The following FAM47E variants were observed in gnomAD, a reference collection of about 807,000 sequenced individuals.
The protein encoded by FAM47E is family with sequence similarity 47 member E.
Under a neutral mutation model 41.6 loss-of-function variants are expected in FAM47E, and 32 were observed. The observed-to-expected ratio is 0.77, with a 90% confidence interval of 0.58 to 1.03. The LOEUF (loss-of-function observed/expected upper bound fraction) is 1.03. FAM47E is among the 50% of genes least tolerant of loss of function. The probability of loss-of-function intolerance (pLI) is 0.00; values close to 1 mark genes in which losing one functional copy is unlikely to be tolerated. For synonymous variants in FAM47E, 184 were observed against 188.7 expected (o/e 0.98, Z 0.20); for missense variants, 424 against 485.4 (o/e 0.87, Z 1.19).
chr4:76,251,178 T>C (rs1417029941), upstream of FAM47E, among the ~76,000 whole-genome samples: 1 of 151,914 alleles, frequency 6.6e-6, no homozygotes, highest in Non-Finnish European at 1.5e-5. Flanking sequence ...CTGCTAGAAG[T>C]GAGTCGAGGC....
chr4:76,250,110 C>A (rs1056877331), upstream of FAM47E, among the ~76,000 whole-genome samples: 2 of 152,076 alleles, frequency 1.3e-5, no homozygotes, highest in African/African-American at 4.8e-5. Context: ...GGTAGATCCA[C>A]TTTTAGTTCT....
intron 3 of FAM47E, among the ~76,000 whole-genome samples, chr4:76,266,061 A>G (rs1031955396): frequency 1.3e-5 from 2 of 152,224 alleles, no homozygotes; most frequent in African/African-American, 4.8e-5. Context: ...CTCAGGGATC[A>G]CCATACTTGT....
chr4:76,230,755 G>A (rs1733478641), intron 2 of FAM47E, among the ~76,000 whole-genome samples: 1 of 152,144 alleles, frequency 6.6e-6, no homozygotes, highest in Non-Finnish European at 1.5e-5. Flanking sequence ...CACTCATGAA[G>A]CAGGGGGTTT....
chr4:76,278,537 C>A, intron 6 of FAM47E: 1 of 375,830 alleles, frequency 2.7e-6, no homozygotes, highest in Admixed American at 4.4e-5. Context: ...CTTGGTACGA[C>A]CACCTCAGTG....
At chr4:76,225,744 A>C (rs992289611) in intron 2 of FAM47E, among the ~76,000 whole-genome samples, 5 of 152,218 alleles carry the variant, frequency 3.3e-5, no homozygotes, top group Non-Finnish European at 7.3e-5. Flanking sequence ...AACTCACTTG[A>C]TCATGGCATA....
intron 4 of FAM47E, chr4:76,269,264 G>A (rs1734781009): frequency 6.5e-6 from 1 of 153,570 alleles, no homozygotes; most frequent in South Asian, 2.0e-4. Flanking sequence ...GAGTTCAAGA[G>A]TTCAAGACCA....
At chr4:76,227,784 C>T (rs1274424489) in intron 2 of FAM47E, among the ~76,000 whole-genome samples, 1 of 152,108 alleles carries the variant, frequency 6.6e-6, no homozygotes, top group Non-Finnish European at 1.5e-5. Context: ...TAATGTGCCA[C>T]CTCTTTGTCT....
chr4:76,278,584 T>C lies in FAM47E; in HGVS notation c.1026+360T>C, dbSNP rs552381414. On this transcript the variant is annotated intron_variant, in intron 6 of 7. Transcript: ENST00000424749. Reference sequence around the variant, plus strand: ...TGTGCTGTCATGAGTTATCTTTGGGTAACAAAATGTGAAGCTTGTTTCCTA... The same window carrying C: ...TGTGCTGTCATGAGTTATCTTTGGGCAACAAAATGTGAAGCTTGTTTCCTA... The C allele has an allele frequency of 1.6e-5, 5 of 304,134 alleles. No homozygotes were observed. In the South Asian group the frequency reaches 8.0e-4, roughly 48 times the overall value. The allele number at this position is 304,134 out of a possible 1,614,324, so 18.8% of individuals were successfully genotyped here.
rs139235304 is a variant in FAM47E, at chr4:76,281,961, G to A, written c.1105-1420G>A. The A allele has an allele frequency of 7.9e-4, 120 of 152,310 alleles. No individual in the cohort carries two copies. In the East Asian group the frequency reaches 9.3e-3, roughly 12 times the overall value. 9.4% of individuals were successfully genotyped at this position (152,310 alleles called of 1,614,324 possible). A position where few individuals can be genotyped will look rare whatever the true frequency, so the allele number is the denominator to read the frequency against. On this transcript the variant is annotated intron_variant, in intron 7 of 7. Transcript: ENST00000424749. ...ATTATTAAGTTTAGTGAGGGCGGGG[G>A]TAGGTTAGTGAGAGATTTAGGGTCA... is the stretch of plus-strand genomic sequence containing the variant.
intron 4 of FAM47E, chr4:76,269,631 A>AATAAATAG (rs1734801295): frequency 6.6e-6 from 1 of 151,522 alleles, no homozygotes; most frequent in Non-Finnish European, 1.5e-5. Context: ...AATATAAATA[A>AATAAATAG]ATAAATAAAT....
intron 2 of FAM47E, among the ~76,000 whole-genome samples, chr4:76,225,199 T>C (rs1243101033): frequency 6.6e-6 from 1 of 152,228 alleles, no homozygotes; most frequent in Non-Finnish European, 1.5e-5. Flanking sequence ...TCGTTGGCAC[T>C]TGAGCTGGTT....
intron 2 of FAM47E, chr4:76,236,666 A>T: frequency 8.1e-6 from 1 of 122,880 alleles, no homozygotes; most frequent in Non-Finnish European, 1.6e-5. Context: ...AGACAACTGA[A>T]AGTGGTGGGG....
intron 1 of FAM47E, among the ~76,000 whole-genome samples, chr4:76,252,215 C>T (rs943603041): frequency 1.3e-5 from 2 of 152,254 alleles, no homozygotes; most frequent in African/African-American, 4.8e-5. Flanking sequence ...CGATGTTAGG[C>T]ATCTGCTGCC....
intron 5 of FAM47E, among the ~76,000 whole-genome samples, chr4:76,274,409 C>T (rs1321351536): frequency 6.6e-6 from 1 of 151,220 alleles, no homozygotes; most frequent in African/African-American, 2.4e-5. Context: ...CCAGTCTCTA[C>T]AAAAAAAAAT....
At chr4:76,226,496 A>T (rs1156996949) in intron 2 of FAM47E, among the ~76,000 whole-genome samples, 1 of 152,154 alleles carries the variant, frequency 6.6e-6, no homozygotes, top group Non-Finnish European at 1.5e-5. Flanking sequence ...CCTGGATTCC[A>T]TCCAAGCCAC....
intron 2 of FAM47E, among the ~76,000 whole-genome samples, chr4:76,221,401 C>T (rs1234887995): frequency 1.3e-5 from 2 of 152,176 alleles, no homozygotes; most frequent in Non-Finnish European, 2.9e-5. Context: ...TCACTGCAAC[C>T]TCTGCCTCCT....
intron 2 of FAM47E, among the ~76,000 whole-genome samples, chr4:76,226,849 T>C (rs1212745533): frequency 6.6e-6 from 1 of 152,248 alleles, no homozygotes; most frequent in African/African-American, 2.4e-5. Flanking sequence ...TCTTTTGTAT[T>C]TCTGTGATAT....
chr4:76,271,413 C>T (rs1157064613), intron 4 of FAM47E, among the ~76,000 whole-genome samples, 155 bp from the exon 5 acceptor site: 2 of 152,198 alleles, frequency 1.3e-5, no homozygotes, highest in African/African-American at 4.8e-5. Context: ...GCCCTCCAAA[C>T]CCCAAACACT....
intron 2 of FAM47E, among the ~76,000 whole-genome samples, chr4:76,262,826 A>T (rs879141076): frequency 1.3e-5 from 2 of 152,014 alleles, no homozygotes. Flanking sequence ...GTAGTGGTGC[A>T]ATTATAGTTC....
Sources: gnomAD v4.1 joint callset for allele counts (sites outside exome capture counted in the v4.1 genomes callset) on GRCh38, gnomAD v4.1.1 for gene constraint, MANE v1.5 for transcripts, NCBI Gene and HGNC (gene_info 2026-07-23, HGNC 2026-07-21) for gene names.